THSD7B: variants seen among roughly 807,000 people sequenced by gnomAD.
The protein encoded by THSD7B is thrombospondin type-1 domain-containing protein 7B.
A neutral mutation model predicts 213.6 loss-of-function variants in THSD7B; 138 were observed. The ratio of observed to expected loss-of-function variants is 0.65; its 90% CI spans 0.56 to 0.74. The LOEUF is 0.74. THSD7B is among the 30% of genes least tolerant of loss of function. THSD7B has a pLI of 0.00. For synonymous variants in THSD7B, 742 were observed against 687.0 expected (o/e 1.08, Z -1.25); for missense variants, 1,931 against 1,991.5 (o/e 0.97, Z 0.58).
chr2:136,832,913 T>A (rs975251662), intron 1 of THSD7B, among the ~76,000 whole-genome samples: 2 of 152,168 alleles, frequency 1.3e-5, no homozygotes, highest in Non-Finnish European at 2.9e-5. Context: ...TTTATCTCAC[T>A]CTTACGTTTG....
chr2:137,482,187 C>CA (rs5834555), intron 15 of THSD7B, among the ~76,000 whole-genome samples: 29,914 of 132,356 alleles, frequency 0.23, 3,338 homozygotes, highest in South Asian at 0.39. Context: ...CCCTCCCCAC[C>CA]AAAAAAAAAA....
At chr2:137,559,394 C>T (rs1222759840) in intron 15 of THSD7B, among the ~76,000 whole-genome samples, 1 of 152,116 alleles carries the variant, frequency 6.6e-6, no homozygotes, top group Non-Finnish European at 1.5e-5. Flanking sequence ...TAACAGAGCC[C>T]TCAGAGATAA....
At chr2:137,253,528 CT>C (rs1682234483) in intron 10 of THSD7B, among the ~76,000 whole-genome samples, 1 of 152,114 alleles carries the variant, frequency 6.6e-6, no homozygotes, top group Admixed American at 6.5e-5. Context: ...AGTGTTCTTT[CT>C]TTACAAAATG....
chr2:137,231,359 G>A, intron 8 of THSD7B, 124 bp downstream of exon 8: 1 of 974,718 alleles, frequency 1.0e-6, no homozygotes. Context: ...TCTATTCCCT[G>A]AATCCAGATT....
At position 137,164,265 on chromosome 2, in the gene THSD7B, C is replaced by G. The variant is rs903948626; in HGVS notation, c.1525+3897C>G. 5.3e-5 allele frequency among the ~76,000 whole-genome samples: 8 copies of G among 152,166 alleles called. No homozygotes were observed. In the East Asian group the frequency reaches 9.7e-4, roughly 18 times the overall value. Reference sequence around the variant, plus strand: ...TACTTTTTTCAAAGGGAGACTCAGCCTTTGAAAAGGGCTTAAGGCATCATC... The same window carrying G: ...TACTTTTTTCAAAGGGAGACTCAGCGTTTGAAAAGGGCTTAAGGCATCATC... On this transcript the variant is annotated intron_variant, in intron 6 of 27. Transcript: ENST00000409968.
intron 12 of THSD7B, among the ~76,000 whole-genome samples, chr2:137,278,536 G>C (rs1682924728): frequency 6.6e-6 from 1 of 152,114 alleles, no homozygotes; most frequent in Non-Finnish European, 1.5e-5. Context: ...AGTAAATAGA[G>C]TATATGCCTC....
At chr2:137,233,481 T>G (rs1681690485) in intron 9 of THSD7B, among the ~76,000 whole-genome samples, 1 of 152,208 alleles carries the variant, frequency 6.6e-6, no homozygotes, top group Admixed American at 6.5e-5. Context: ...AACATAAAGC[T>G]AGGTTCTGTG....
At chr2:137,586,168 T>G (rs1248768124) in intron 17 of THSD7B, among the ~76,000 whole-genome samples, 1 of 152,170 alleles carries the variant, frequency 6.6e-6, no homozygotes. Flanking sequence ...CCCTGCCTTT[T>G]TTTGTTTTCC....
chr2:136,790,419 C>T (rs1681946831), intron 1 of THSD7B, among the ~76,000 whole-genome samples: 1 of 152,044 alleles, frequency 6.6e-6, no homozygotes, highest in African/African-American at 2.4e-5. Context: ...CACATTTGTT[C>T]ATCAAAGTTG....
intron 4 of THSD7B, among the ~76,000 whole-genome samples, chr2:137,111,471 C>G (rs1688345134): frequency 6.6e-6 from 1 of 152,148 alleles, no homozygotes; most frequent in Admixed American, 6.5e-5. Context: ...GTAAACCTTG[C>G]TTTGAACCCT....
intron 14 of THSD7B, among the ~76,000 whole-genome samples, chr2:137,445,244 A>G (rs920786459): frequency 2.6e-5 from 4 of 152,212 alleles, no homozygotes; most frequent in Non-Finnish European, 1.5e-5. Context: ...TGATTCAGCA[A>G]TTTCACTGCT....
chr2:136,898,586 C>CCCCA (rs56334256), intron 2 of THSD7B, among the ~76,000 whole-genome samples: 1 of 144,280 alleles, frequency 6.9e-6, no homozygotes, highest in African/African-American at 2.5e-5. Context: ...CCCGCCCCCC[C>CCCCA]GCCAAAAGAG....
chr2:137,234,552 G>A (rs1369609711), intron 9 of THSD7B, among the ~76,000 whole-genome samples: 2 of 152,154 alleles, frequency 1.3e-5, no homozygotes, highest in Non-Finnish European at 2.9e-5. Context: ...AAGTCGTACT[G>A]TGACTTGAAG....
At chr2:136,924,639 A>G (rs1684491879) in intron 2 of THSD7B, among the ~76,000 whole-genome samples, 1 of 151,956 alleles carries the variant, frequency 6.6e-6, no homozygotes, top group Admixed American at 6.6e-5. Context: ...ATTTTTTTTC[A>G]AGATTATTTT....
At chr2:137,431,160 C>T (rs1687178645) in intron 14 of THSD7B, among the ~76,000 whole-genome samples, 1 of 152,088 alleles carries the variant, frequency 6.6e-6, no homozygotes, top group Non-Finnish European at 1.5e-5. Flanking sequence ...CATGAGACAA[C>T]AATCAAATAC....
chr2:137,416,521 T>G (rs1390194488), intron 14 of THSD7B, among the ~76,000 whole-genome samples: 1 of 145,898 alleles, frequency 6.9e-6, no homozygotes. Flanking sequence ...AAATTGAGAG[T>G]TCATTGAAAT....
intron 2 of THSD7B, among the ~76,000 whole-genome samples, chr2:137,036,716 A>G (rs917780623): frequency 1.3e-5 from 2 of 152,184 alleles, no homozygotes; most frequent in South Asian, 2.1e-4. Flanking sequence ...CTGAAAGGGT[A>G]TCTGTGGCAG....
chr2:137,576,722 A>G (rs1681467907), intron 17 of THSD7B, among the ~76,000 whole-genome samples: 1 of 152,008 alleles, frequency 6.6e-6, no homozygotes, highest in African/African-American at 2.4e-5. Flanking sequence ...GCCCTGCTTT[A>G]GAAGAGAAAG....
rs192962340 is a variant in THSD7B at position 137,227,422 on chromosome 2, T to G, written c.1724-3622T>G. Among the ~76,000 whole-genome samples, 5 of 152,256 alleles carry G rather than the reference T, an allele frequency of 3.3e-5. No homozygotes were observed. The East Asian group carries it at 5.8e-4, about 18-fold the overall frequency. On this transcript the variant is annotated intron_variant, in intron 7 of 27. Transcript: ENST00000409968. The stretch of plus-strand genomic sequence containing the variant: ...AATTCAATTTCCCTCTTAAATATAT[T>G]CCATTTTATTATGACATTAGATTAT...
Sources: allele counts gnomAD v4.1 joint callset (sites outside exome capture counted in the v4.1 genomes callset), GRCh38; gene constraint gnomAD v4.1.1; transcripts MANE v1.5; gene names NCBI Gene and HGNC (gene_info 2026-07-23, HGNC 2026-07-21).